Variants in KIF17 observed in about 807,000 individuals in gnomAD.
KIF17 encodes the protein kinesin family member 17.
In KIF17, 80 loss-of-function variants were observed where a neutral mutation model predicts 96.8. The observed-to-expected ratio is 0.83, with a 90% CI of 0.69 to 1.00. The LOEUF (loss-of-function observed/expected upper bound fraction) is 1.00, where lower values mean the gene tolerates loss of function less well. Ranked by LOEUF, KIF17 falls within the 50% of genes least tolerant of loss-of-function variation. The pLI, the probability that KIF17 is intolerant of heterozygous loss-of-function variation, is 0.00. For synonymous variants in KIF17, 567 were observed against 587.5 expected, an observed-to-expected ratio of 0.97 and a Z score of 0.51; for missense variants, 1,280 against 1,372.9, an observed-to-expected ratio of 0.93 and a Z score of 1.07.
chr1:20,709,839 A>G lies in KIF17; in HGVS notation c.481-11T>C, dbSNP rs756998978. 1.3e-6 allele frequency: 2 copies of G among 1,595,380 alleles called. No individual in the cohort carries two copies. The highest frequency in any genetic ancestry group is 8.5e-7 in the Non-Finnish European group (1 of 1,171,090). ...TGGGTGCTCCTTCAGCTGAGGGAGG[A>G]GGAACAGTCAGGGGCGGAACCTCCA... is the stretch of plus-strand genomic sequence containing the variant. On this transcript the variant is annotated splice_polypyrimidine_tract_variant and intron_variant, in intron 3 of 14. Coordinates refer to ENST00000400463, the MANE Select transcript of KIF17 (RefSeq NM_001122819.3). This position sits in a 1 kb window ranked among gnomAD's most constrained non-coding sequence, Gnocchi z 4.7.
chr1:20,712,953 CTATATTATATA>C (rs2054503708), intron 3 of KIF17, among the ~76,000 whole-genome samples: 1 of 122,764 alleles, frequency 8.1e-6, no homozygotes, highest in East Asian at 2.3e-4. Flanking sequence ...TCTATATTAT[CTATATTATATA>C]TATATTATCT....
chr1:20,712,542 T>TTATAGATATTATCTATATTATATA (rs2054456593), intron 3 of KIF17, among the ~76,000 whole-genome samples: 1 of 117,238 alleles, frequency 8.5e-6, no homozygotes, highest in African/African-American at 3.2e-5. Flanking sequence ...TATATCTATA[T>TTATAGATATTATCTATATTATATA]TATAGATATT....
intron 11 of KIF17, among the ~76,000 whole-genome samples, chr1:20,680,524 C>CCA (rs1181153878): frequency 6.6e-6 from 1 of 152,042 alleles, no homozygotes; most frequent in Non-Finnish European, 1.5e-5. Flanking sequence ...TTATGGTGAG[C>CCA]TATGATCGTG....
chr1:20,704,080 T>C lies in KIF17; in HGVS notation c.1123+367A>G, dbSNP rs899569291. On this transcript the variant is annotated intron_variant, in intron 5 of 14. Transcript: ENST00000400463. This position sits in a 1 kb window ranked among gnomAD's most constrained non-coding sequence, Gnocchi z 6.8. ...GAGGAGCAGGTGTGGCCGTGGGGAGTGAGTTGCCAGCTGCTGAGCAGCGAA... is the reference window on the plus strand; with the variant it reads ...GAGGAGCAGGTGTGGCCGTGGGGAGCGAGTTGCCAGCTGCTGAGCAGCGAA... 1.1e-4 allele frequency among the ~76,000 whole-genome samples: 16 copies of C among 145,966 alleles called. No individual in the cohort carries two copies. The highest frequency in any genetic ancestry group is 1.8e-4 in the Non-Finnish European group (12 of 67,398).
Position 20,699,100 on chromosome 1 carries a change from C to T in KIF17, c.1124-612G>A, listed in dbSNP as rs1033894426. 5.9e-5 allele frequency among the ~76,000 whole-genome samples: 9 copies of T among 152,140 alleles called. No homozygotes were observed. The highest frequency in any genetic ancestry group is 3.9e-4 in the Admixed American group (6 of 15,274). ...GAGTAGCTGGGACTACAGACACACACCACCACACCCAGCTAATCTTTTATT... is the reference window on the plus strand; with the variant it reads ...GAGTAGCTGGGACTACAGACACACATCACCACACCCAGCTAATCTTTTATT... On this transcript the variant is annotated intron_variant, in intron 5 of 14. Transcript: ENST00000400463. This position sits in a 1 kb window ranked among gnomAD's most constrained non-coding sequence, Gnocchi z 4.3.
intron 3 of KIF17, among the ~76,000 whole-genome samples, chr1:20,712,271 G>T (rs12043764): frequency 0.11 from 16,546 of 151,956 alleles, 1,442 homozygotes; most frequent in East Asian, 0.38. Flanking sequence ...GGGCTGACAT[G>T]TGGGAGCAAC....
At position 20,664,777 on chromosome 1, in the gene KIF17, G is replaced by A. The variant is rs201014607; in HGVS notation, c.2909-15C>T. The A allele has an allele frequency of 1.0e-4, 166 of 1,610,946 alleles. No homozygotes were observed. Among genetic ancestry groups the A allele is most frequent in the Non-Finnish European group, 1.3e-4 (159 of 1,178,962 alleles). ...GTTGTGATGTGCTGTGGGGAAGAGG[G>A]CAGAGGTGCTGGTAAGCCAGGAGCG... On this transcript the variant is annotated splice_polypyrimidine_tract_variant and intron_variant, in intron 14 of 14. Coordinates refer to ENST00000400463, the MANE Select transcript of KIF17 (RefSeq NM_001122819.3).
intron 11 of KIF17, 126 bp downstream of exon 11, chr1:20,682,527 C>A: frequency 1.3e-6 from 1 of 767,042 alleles, no homozygotes; most frequent in South Asian, 1.4e-5. Flanking sequence ...ATAATAAATG[C>A]ATGCATGCCT....
At position 20,682,847 on chromosome 1, in the gene KIF17, G is replaced by A. The variant is rs1279275381; in HGVS notation, c.2269C>T (p.Gln757Ter). 1.2e-6 allele frequency: 2 copies of A among 1,611,872 alleles called. No individual in the cohort carries two copies. The highest frequency in any genetic ancestry group is 2.2e-5 in the East Asian group (1 of 44,894). The part of the protein sequence containing the change: ...LLEQQVVGGE[Q>*]AKNKDLKEKH... ...TCCTTCAGGTCCTTGTTCTTGGCCT[G>A]CTCTCCACCCACAACCTGCTGCTCC... is the stretch of plus-strand genomic sequence containing the variant. Residue 757 changes from glutamine (Q) to a stop codon, truncating the protein, a stop_gained, in exon 11 of 15, where the codon CAG becomes TAG. Transcript: ENST00000400463. LOFTEE classifies it high-confidence loss of function.
At chr1:20,694,459 G>A (rs894834840) in intron 6 of KIF17, among the ~76,000 whole-genome samples, 28 of 152,162 alleles carry the variant, frequency 1.8e-4, no homozygotes. Context: ...CTCAAGAGAA[G>A]GGCAAGGCAT....
Position 20,686,264 on chromosome 1 carries a change from G to C in KIF17, c.1939-138C>G, listed in dbSNP as rs2053937461. On this transcript the variant is annotated intron_variant, in intron 8 of 14. Coordinates refer to ENST00000400463, the MANE Select transcript of KIF17 (RefSeq NM_001122819.3). ...AACCTCCCCTGCCTGTCACTCCCGA[G>C]AGAAGGAGCACAAAGGAGGGAAGAG... 5.5e-6 allele frequency: 4 copies of C among 732,828 alleles called. No homozygotes were observed. The East Asian group carries it at 8.1e-5, about 15-fold the overall frequency. The allele number at this position is 732,828 out of a possible 1,614,324, so 45.4% of individuals were successfully genotyped here.
At position 20,698,263 on chromosome 1, in the gene KIF17, CA is replaced by C; in HGVS notation, c.1233+115del. On this transcript the variant is annotated intron_variant, in intron 6 of 14. Coordinates refer to ENST00000400463, the MANE Select transcript of KIF17 (RefSeq NM_001122819.3). ...CTTTGAGCTTCAGCTTTCTCAGGACCAAACCCACGGTGAAGGTACGGTGATA... is the reference window on the plus strand; with the variant it reads ...CTTTGAGCTTCAGCTTTCTCAGGACCAACCCACGGTGAAGGTACGGTGATA... 4.0e-6 allele frequency: 3 copies of C among 746,716 alleles called. No individual in the cohort carries two copies. In the South Asian group the frequency reaches 4.4e-5, roughly 11 times the overall value. 46.3% of individuals were successfully genotyped at this position (746,716 alleles called of 1,614,324 possible).
At chr1:20,670,719 C>T (rs1482610760) in intron 12 of KIF17, among the ~76,000 whole-genome samples, 1 of 152,170 alleles carries the variant, frequency 6.6e-6, no homozygotes, top group African/African-American at 2.4e-5. Flanking sequence ...CCAGGCAAGA[C>T]AGCAGGCGAG....
In KIF17 at chr1:20,709,624, A is replaced by G; in HGVS notation, c.670+15T>C. On this transcript the variant is annotated intron_variant, in intron 4 of 14. Coordinates refer to ENST00000400463, the MANE Select transcript of KIF17 (RefSeq NM_001122819.3). This position sits in a 1 kb window ranked among gnomAD's most constrained non-coding sequence, Gnocchi z 4.7. ...GGTCATCTGTCCCCCTGCCCCCAACAATGGCCTCGCATACCCACGGCAGAC... is the reference window on the plus strand; with the variant it reads ...GGTCATCTGTCCCCCTGCCCCCAACGATGGCCTCGCATACCCACGGCAGAC... 6.2e-7 allele frequency: 1 copy of G among 1,613,672 alleles called. No individual in the cohort carries two copies. Among genetic ancestry groups the G allele is most frequent in the South Asian group, 1.1e-5 (1 of 91,076 alleles).
chr1:20,694,545 G>A (rs760898766), intron 6 of KIF17, among the ~76,000 whole-genome samples: 1 of 152,164 alleles, frequency 6.6e-6, no homozygotes, highest in Non-Finnish European at 1.5e-5. Context: ...ACTGTAGTAA[G>A]CCAGAGAGAG....
At chr1:20,711,853 G>C (rs1045221968) in intron 3 of KIF17, among the ~76,000 whole-genome samples, 1 of 152,140 alleles carries the variant, frequency 6.6e-6, no homozygotes, top group Non-Finnish European at 1.5e-5. Flanking sequence ...GTGTGTCCTT[G>C]GGTTGGTCTT....
downstream of KIF17, among the ~76,000 whole-genome samples, chr1:20,661,893 T>G (rs1284013126): frequency 6.6e-6 from 1 of 152,238 alleles, no homozygotes; most frequent in African/African-American, 2.4e-5. Context: ...ACTTGGAGCC[T>G]CCTTCCTGCC....
chr1:20,690,972 A>C lies in KIF17; in HGVS notation c.1234-637T>G, dbSNP rs527238933. 7.2e-5 allele frequency among the ~76,000 whole-genome samples: 11 copies of C among 151,732 alleles called. No individual in the cohort carries two copies. The East Asian group carries it at 7.9e-4, about 11-fold the overall frequency. On this transcript the variant is annotated intron_variant, in intron 6 of 14. Transcript: ENST00000400463. ...AAAGTGCTGGGATTACAGGCGTGAG[A>C]CACCACGCCCGGCCACCATCAGCTA...
intron 13 of KIF17, among the ~76,000 whole-genome samples, chr1:20,669,860 A>G (rs2053606804): frequency 1.0e-5 from 1 of 99,312 alleles, no homozygotes; most frequent in African/African-American, 3.9e-5. Context: ...GCGAGACTCC[A>G]TCTCAAAAAA....
Sources: allele counts gnomAD v4.1 joint callset (sites outside exome capture counted in the v4.1 genomes callset), GRCh38; gene constraint gnomAD v4.1.1; non-coding constraint Gnocchi (gnomAD v3.1); transcripts MANE v1.5; gene names NCBI Gene and HGNC (gene_info 2026-07-23, HGNC 2026-07-21).